Variants in NAV3 observed in about 807,000 individuals in gnomAD.
The protein encoded by NAV3 is pore membrane and/or filament interacting like protein 1.
Under a neutral mutation model 244.7 loss-of-function variants are expected in NAV3, and 87 were observed. The observed-to-expected ratio is 0.36, with a 90% CI of 0.30 to 0.42. The LOEUF is 0.42. Ranked by LOEUF, NAV3 falls within the 20% of genes least tolerant of loss-of-function variation. The pLI, the probability that NAV3 is intolerant of heterozygous loss-of-function variation, is 1.00. For synonymous variants in NAV3, 1,126 were observed against 1,042.2 expected, an observed-to-expected ratio of 1.08 and a Z score of -1.55; for missense variants, 2,663 against 2,893.3, an observed-to-expected ratio of 0.92 and a Z score of 1.83.
rs185647294 is a variant in NAV3 at position 78,014,417 on chromosome 12, G to A, written c.1907+6972G>A. ...AGGAGAAAAGTATCATGCTTCTTAA[G>A]CCCATTAATTAAATATAAGCAGAGA... On this transcript the variant is annotated intron_variant, in intron 8 of 39. Transcript: ENST00000397909. 3.7e-3 allele frequency among the ~76,000 whole-genome samples: 557 copies of A among 152,142 alleles called. 8 individuals carry two copies. Among genetic ancestry groups the A allele is most frequent in the African/African-American group, 0.013 (538 of 41,522 alleles).
chr12:77,878,668 T>TGA (rs1555221838), intron 1 of NAV3, among the ~76,000 whole-genome samples: 15 of 137,874 alleles, frequency 1.1e-4, no homozygotes, highest in African/African-American at 3.4e-4. Flanking sequence ...CTTAAACTTC[T>TGA]AAAAAAAAAA....
At chr12:77,896,511 A>T (rs1034017595) in intron 1 of NAV3, among the ~76,000 whole-genome samples, 3 of 152,230 alleles carry the variant, frequency 2.0e-5, no homozygotes, top group Non-Finnish European at 2.9e-5. Flanking sequence ...TTGATGTGGA[A>T]AAAAGTATAG....
chr12:78,171,173 G>A (rs1369173523), intron 24 of NAV3, among the ~76,000 whole-genome samples: 2 of 151,692 alleles, frequency 1.3e-5, no homozygotes, highest in Non-Finnish European at 3.0e-5. Context: ...CAAGACTTTA[G>A]CAACTTTCCA....
intron 2 of NAV3, among the ~76,000 whole-genome samples, chr12:77,620,895 CAT>C (rs1871344589): frequency 6.6e-6 from 1 of 152,124 alleles, no homozygotes; most frequent in African/African-American, 2.4e-5. Flanking sequence ...AACTAATAGA[CAT>C]AAAGTATTTG....
intron 7 of NAV3, among the ~76,000 whole-genome samples, chr12:77,998,856 GT>G (rs1286497196): frequency 6.6e-6 from 1 of 152,100 alleles, no homozygotes; most frequent in Non-Finnish European, 1.5e-5. Flanking sequence ...AGCCATAAGT[GT>G]TTTTGACAAT....
intron 1 of NAV3, among the ~76,000 whole-genome samples, chr12:77,886,034 T>C (rs974059818): frequency 7.2e-5 from 11 of 152,166 alleles, no homozygotes; most frequent in Non-Finnish European, 1.3e-4. Flanking sequence ...ACTGCCCTAG[T>C]GTCAATTATT....
intron 12 of NAV3, among the ~76,000 whole-genome samples, chr12:78,102,763 G>C (rs963691848): frequency 6.6e-6 from 1 of 152,206 alleles, no homozygotes; most frequent in East Asian, 1.9e-4. Context: ...CTACCACGTG[G>C]AAGCTGCCAA....
At chr12:77,712,263 A>G (rs61932100) in intron 2 of NAV3, among the ~76,000 whole-genome samples, 100 of 152,312 alleles carry the variant, frequency 6.6e-4, no homozygotes, top group Non-Finnish European at 1.1e-3. Context: ...AAATCACTGG[A>G]CCAATGAAAG....
chr12:77,954,517 A>G (rs934851721), intron 3 of NAV3, among the ~76,000 whole-genome samples: 1 of 152,230 alleles, frequency 6.6e-6, no homozygotes, highest in Non-Finnish European at 1.5e-5. Flanking sequence ...CTGAATAAGA[A>G]AAATAATACT....
chr12:77,621,553 ACACTGCAACCTC>A (rs1871373450), intron 2 of NAV3, among the ~76,000 whole-genome samples: 1 of 134,484 alleles, frequency 7.4e-6, no homozygotes, highest in Non-Finnish European at 1.6e-5. Flanking sequence ...TGATCTCGGC[ACACTGCAACCTC>A]CACCTCCCGT....
chr12:77,636,907 G>A (rs932945866), intron 2 of NAV3, among the ~76,000 whole-genome samples: 5 of 151,930 alleles, frequency 3.3e-5, no homozygotes, highest in Admixed American at 1.3e-4. Context: ...ACCAAACACC[G>A]TATGTGCTCA....
At chr12:77,996,065 A>G (rs537757399) in intron 6 of NAV3, among the ~76,000 whole-genome samples, 1 of 152,280 alleles carries the variant, frequency 6.6e-6, no homozygotes, top group East Asian at 1.9e-4. Context: ...CTAAGGACTG[A>G]AGATCATTTG....
At chr12:77,602,736 T>G (rs1870495828) in intron 2 of NAV3, among the ~76,000 whole-genome samples, 1 of 151,984 alleles carries the variant, frequency 6.6e-6, no homozygotes, top group African/African-American at 2.4e-5. Context: ...CTTCATGGCA[T>G]AAATTACCAT....
intron 2 of NAV3, among the ~76,000 whole-genome samples, chr12:77,802,362 G>A (rs571242886): frequency 1.3e-5 from 2 of 152,284 alleles, no homozygotes; most frequent in South Asian, 4.1e-4. Context: ...TTGATTCTAG[G>A]AGACACAAGC....
At chr12:78,032,884 A>T (rs922516474) in intron 9 of NAV3, among the ~76,000 whole-genome samples, 1 of 152,004 alleles carries the variant, frequency 6.6e-6, no homozygotes, top group African/African-American at 2.4e-5. Context: ...AAGTTTTTCA[A>T]TTTTTCTTCT....
At chr12:77,891,527 G>T (rs1388922498) in intron 1 of NAV3, among the ~76,000 whole-genome samples, 1 of 151,966 alleles carries the variant, frequency 6.6e-6, no homozygotes, top group Admixed American at 6.6e-5. Context: ...CTCAAATCCA[G>T]ATTTTTTTTC....
intron 16 of NAV3, 47 bp downstream of exon 16, chr12:78,122,475 C>A (rs1223129518): frequency 1.3e-6 from 2 of 1,518,940 alleles, no homozygotes; most frequent in Non-Finnish European, 1.8e-6. Flanking sequence ...CTCTTCCCTG[C>A]ACTATGCCTA....
intron 2 of NAV3, among the ~76,000 whole-genome samples, chr12:77,676,441 T>C (rs1874208353): frequency 6.6e-6 from 1 of 152,190 alleles, no homozygotes; most frequent in Non-Finnish European, 1.5e-5. Flanking sequence ...GCATGTCTTA[T>C]AGTGGTTTTT....
At chr12:78,093,261 C>T (rs373876446) in intron 12 of NAV3, among the ~76,000 whole-genome samples, 10 of 152,192 alleles carry the variant, frequency 6.6e-5, no homozygotes, top group East Asian at 5.8e-4. Context: ...TATAAATGGG[C>T]TAAAATTAAG....
Sources: allele counts gnomAD v4.1 joint callset (sites outside exome capture counted in the v4.1 genomes callset), GRCh38; gene constraint gnomAD v4.1.1; transcripts MANE v1.5; gene names NCBI Gene and HGNC (gene_info 2026-07-23, HGNC 2026-07-21).